Variants in MYO7B observed in about 807,000 individuals in gnomAD.
The protein encoded by MYO7B is myosin VIIB.
In MYO7B, 212 loss-of-function variants were observed where a neutral mutation model predicts 259.7. The observed-to-expected ratio is 0.82, with a 90% confidence interval of 0.73 to 0.91. The LOEUF is 0.91. MYO7B is among the 40% of genes least tolerant of loss of function. The pLI, the probability that MYO7B is intolerant of heterozygous loss-of-function variation, is 0.00. For synonymous variants in MYO7B, 1,197 were observed against 1,166.4 expected (o/e 1.03, Z -0.54); for missense variants, 2,732 against 2,813.5 (o/e 0.97, Z 0.66).
intron 34 of MYO7B, 73 bp from the exon 35 acceptor site, chr2:127,629,572 A>G: frequency 6.9e-7 from 1 of 1,444,990 alleles, no homozygotes; most frequent in Non-Finnish European, 9.4e-7. Context: ...GTCAAAGGAG[A>G]TGACCCACAA....
rs1681511870 is a variant in MYO7B at position 127,631,582 on chromosome 2, G to A, written c.5096-18G>A. On this transcript the variant is annotated intron_variant, in intron 37 of 47. Coordinates refer to ENST00000409816, the MANE Select transcript of MYO7B (RefSeq NM_001393586.1). ...CAGCGTGGGGCTGCCCCAGCACTGT[G>A]CTCCTTGACAGCCACACCCATCCTC... is the stretch of plus-strand genomic sequence containing the variant. 1 of 1,612,204 alleles carries A rather than the reference G, an allele frequency of 6.2e-7. No individual in the cohort carries two copies. Among genetic ancestry groups the A allele is most frequent in the Non-Finnish European group, 8.5e-7 (1 of 1,179,426 alleles).
At chr2:127,567,782 T>C (rs1163924363) in intron 5 of MYO7B, among the ~76,000 whole-genome samples, 1 of 152,162 alleles carries the variant, frequency 6.6e-6, no homozygotes, top group Admixed American at 6.5e-5. Context: ...CAGAATCCCT[T>C]CCTCAGGGAG....
rs755037324 is a variant in MYO7B, at chr2:127,605,868, G to A, written c.2364G>A (p.Arg788=). 1.9e-6 allele frequency: 3 copies of A among 1,613,798 alleles called. No individual in the cohort carries two copies. The highest frequency in any genetic ancestry group is 1.7e-6 in the Non-Finnish European group (2 of 1,179,854). ...GGAAGGAGTTCCTGAGGCAGAGGCGGGCAGCTGTGACCCTGCAGGCCTGGT... is the reference window on the plus strand; with the variant it reads ...GGAAGGAGTTCCTGAGGCAGAGGCGAGCAGCTGTGACCCTGCAGGCCTGGT... ...RYRKEFLRQR[R]AAVTLQAWWR... is the part of the protein sequence containing the mutation. Residue 788 remains arginine (R), a synonymous_variant, in exon 20 of 48, where the codon CGG becomes CGA. Transcript: ENST00000409816.
rs574902309 is a variant in MYO7B, at chr2:127,590,279, G to A, written c.1992+50G>A. On this transcript the variant is annotated intron_variant, in intron 16 of 47. Transcript: ENST00000409816. The surrounding 1 kb of genome is among the most constrained non-coding windows in gnomAD (Gnocchi z 4.6). Reference sequence around the variant, plus strand: ...GCAAAGGAGGGAGGAGGAGGAGGCTGATGGCCTCTAGGGTTGTGGTCACTC... The same window carrying A: ...GCAAAGGAGGGAGGAGGAGGAGGCTAATGGCCTCTAGGGTTGTGGTCACTC... The A allele has an allele frequency of 1.2e-6, 2 of 1,611,064 alleles. No homozygotes were observed. The highest frequency in any genetic ancestry group is 2.7e-5 in the African/African-American group (2 of 74,902).
In MYO7B at chr2:127,607,227, C is replaced by T. The variant is rs1396425704; in HGVS notation, c.2446C>T (p.Leu816=). Residue 816 remains leucine (L), a synonymous_variant, in exon 21 of 48, where the codon CTG becomes TTG. Transcript: ENST00000409816. The surrounding 1 kb of genome is among the most constrained non-coding windows in gnomAD (Gnocchi z 4.4). ...GCAGATCCTCGTGGGCTTTGAGCGC[C>T]TGCAGGCTATTGCCCGGAGCCAGCC... ...FKLILVGFER[L]QAIARSQPLA... 6.5e-6 allele frequency: 10 copies of T among 1,549,744 alleles called. No individual in the cohort carries two copies. The highest frequency in any genetic ancestry group is 8.7e-6 in the Non-Finnish European group (10 of 1,146,728).
Position 127,637,717 on chromosome 2 carries a change from T to A in MYO7B, c.*300T>A, listed in dbSNP as rs183976613. On this transcript the variant is annotated 3_prime_UTR_variant, in exon 48 of 48. Transcript: ENST00000409816. ...CACCAGAATGTTCAATAAAAACTCCTGGAGCAGGAGAAGTGTGTCTGTCTG... is the reference window on the plus strand; with the variant it reads ...CACCAGAATGTTCAATAAAAACTCCAGGAGCAGGAGAAGTGTGTCTGTCTG... 2 of 323,026 alleles carry A rather than the reference T, an allele frequency of 6.2e-6. No individual in the cohort carries two copies. The highest frequency in any genetic ancestry group is 9.9e-5 in the East Asian group (2 of 20,160). 20.0% of individuals were successfully genotyped at this position (323,026 alleles called of 1,614,324 possible).
intron 1 of MYO7B, among the ~76,000 whole-genome samples, chr2:127,552,939 T>A (rs909058395): frequency 7.2e-5 from 11 of 152,162 alleles, no homozygotes; most frequent in Non-Finnish European, 1.3e-4. Context: ...GGGAGAAAAT[T>A]CTCCTTCTTT....
At chr2:127,592,762 G>A in intron 16 of MYO7B, 32 bp from the exon 17 acceptor site, 1 of 1,593,624 alleles carries the variant, frequency 6.3e-7, no homozygotes. Context: ...AGTGGGGCTT[G>A]CGCTGGGTCA....
chr2:127,565,201 C>T (rs1324308731), intron 3 of MYO7B, 32 bp from the exon 4 acceptor site: 1 of 1,593,682 alleles, frequency 6.3e-7, no homozygotes, highest in Admixed American at 1.7e-5. Flanking sequence ...ATGGAGGCCA[C>T]CCCTCAGGGG....
rs1488562926 is a variant in MYO7B at position 127,586,639 on chromosome 2, G to T, written c.1690+1726G>T. ...GAAGATACCGAGCCCATCCTCCATG[G>T]GGCAATTCAAGGCTGAGTTTTATTT... On this transcript the variant is annotated intron_variant, in intron 14 of 47. Transcript: ENST00000409816. The surrounding 1 kb of genome is among the most constrained non-coding windows in gnomAD (Gnocchi z 4.8). Among the ~76,000 whole-genome samples, 1 of 152,174 alleles carries T rather than the reference G, an allele frequency of 6.6e-6. No individual in the cohort carries two copies. Among genetic ancestry groups the T allele is most frequent in the African/African-American group, 2.4e-5 (1 of 41,444 alleles).
At chr2:127,633,851 C>T (rs549005080) in intron 40 of MYO7B, among the ~76,000 whole-genome samples, 32 of 151,684 alleles carry the variant, frequency 2.1e-4, no homozygotes, top group Non-Finnish European at 4.1e-4. Context: ...TGGGCAGTGT[C>T]GCCTCGCGCC....
At chr2:127,626,880 C>G (rs1227827864) in intron 31 of MYO7B, 95 bp from the exon 32 acceptor site, 2 of 1,183,868 alleles carry the variant, frequency 1.7e-6, no homozygotes. Flanking sequence ...AGAGCCTTCT[C>G]AGAAGGATCC....
rs72843361 is a variant in MYO7B, at chr2:127,586,990, C to T, written c.1691-1402C>T. On this transcript the variant is annotated intron_variant, in intron 14 of 47. Coordinates refer to ENST00000409816, the MANE Select transcript of MYO7B (RefSeq NM_001393586.1). The surrounding 1 kb of genome is among the most constrained non-coding windows in gnomAD (Gnocchi z 4.8). Reference sequence around the variant, plus strand: ...CCTGGTGCTGCTCCCCTCACAGACACCTGCAGGAAGAGGTGGGAAACAGAC... The same window carrying T: ...CCTGGTGCTGCTCCCCTCACAGACATCTGCAGGAAGAGGTGGGAAACAGAC... 6.2e-4 allele frequency among the ~76,000 whole-genome samples: 95 copies of T among 152,212 alleles called. No individual in the cohort carries two copies. The highest frequency in any genetic ancestry group is 1.0e-3 in the Non-Finnish European group (69 of 67,978).
intron 15 of MYO7B, 56 bp downstream of exon 15, chr2:127,588,611 C>A: frequency 6.3e-7 from 1 of 1,596,542 alleles, no homozygotes; most frequent in Non-Finnish European, 8.6e-7. Flanking sequence ...CAGGGCCAGA[C>A]AGACATGTAC....
In MYO7B at chr2:127,618,425, G is replaced by A. The variant is rs2264721; in HGVS notation, c.3399-1915G>A. Among the ~76,000 whole-genome samples the A allele has an allele frequency of 8.4e-3, 1,283 of 152,262 alleles. 18 individuals are homozygous for A. Among genetic ancestry groups the A allele is most frequent in the African/African-American group, 0.029 (1,207 of 41,542 alleles). On this transcript the variant is annotated intron_variant, in intron 26 of 47. Transcript: ENST00000409816. ...GAATAAGCAGGGAGGAGGAGGTAAC[G>A]ATTGGTCAGCTGCTTAACTGATCAC...
chr2:127,612,725 C>T (rs1295233704), intron 26 of MYO7B, 122 bp downstream of exon 26: 3 of 1,422,974 alleles, frequency 2.1e-6, no homozygotes. Flanking sequence ...GGCCTGCAGG[C>T]TGGGTCTCAG....
chr2:127,552,358 A>G (rs879690664), intron 1 of MYO7B, among the ~76,000 whole-genome samples: 3 of 152,184 alleles, frequency 2.0e-5, no homozygotes, highest in Non-Finnish European at 4.4e-5. Flanking sequence ...GCTGGTAGAC[A>G]GAGGAGACAT....
rs780505408 is a variant in MYO7B at position 127,566,663 on chromosome 2, G to T, written c.306G>T (p.Leu102=). 1.0e-5 allele frequency: 16 copies of T among 1,596,046 alleles called. No homozygotes were observed. The highest frequency in any genetic ancestry group is 1.4e-5 in the Non-Finnish European group (16 of 1,172,406). ...CCCAGACATACACAGGCTCCATCCT[G>T]GTGGCCGTCAACCCGTTCCAGGTGC... ...HKIYTYTGSI[L]VAVNPFQVLP... The change falls in exon 5 of 48, where the codon CTG becomes CTT. Residue 102 remains leucine (L), a synonymous_variant. Coordinates refer to ENST00000409816, the MANE Select transcript of MYO7B (RefSeq NM_001393586.1).
Position 127,596,498 on chromosome 2 carries a change from C to T in MYO7B, c.2281C>T (p.Gln761Ter), listed in dbSNP as rs747406696. The T allele has an allele frequency of 1.9e-6, 3 of 1,613,762 alleles. No homozygotes were observed. Among genetic ancestry groups the T allele is most frequent in the Non-Finnish European group, 2.5e-6 (3 of 1,179,810 alleles). Residue 761 changes from glutamine to a stop codon, truncating the protein, a stop_gained, in exon 19 of 48, where the codon CAG (glutamine) becomes TAG (stop). Coordinates refer to ENST00000409816, the MANE Select transcript of MYO7B (RefSeq NM_001393586.1). LOFTEE classifies it high-confidence loss of function. ...CACTCTGCTGGAGGTACAGAGAAGC[C>T]AGGTGCTAGACAGAGCGGCGCTCAG... is the stretch of plus-strand genomic sequence containing the variant. ...QDTLLEVQRS[Q>*]VLDRAALSIQ...
Sources: gnomAD v4.1 joint callset for allele counts (sites outside exome capture counted in the v4.1 genomes callset) on GRCh38, gnomAD v4.1.1 for gene constraint, Gnocchi (gnomAD v3.1) non-coding constraint, MANE v1.5 for transcripts, NCBI Gene and HGNC (gene_info 2026-07-23, HGNC 2026-07-21) for gene names.